The following SBNO1 variants were observed in gnomAD, a reference collection of about 807,000 sequenced individuals.
SBNO1 encodes protein strawberry notch homolog 1.
In SBNO1, 23 loss-of-function variants were observed where a neutral mutation model predicts 173.6. The ratio of observed to expected loss-of-function variants is 0.13; its 90% confidence interval spans 0.10 to 0.19. The LOEUF is 0.19. SBNO1 is among the 10% of genes least tolerant of loss of function. The probability of loss-of-function intolerance (pLI) is 1.00; values close to 1 mark genes in which losing one functional copy is unlikely to be tolerated. For missense variants in SBNO1, 1,238 were observed against 1,671.2 expected, an observed-to-expected ratio of 0.74 and a Z score of 4.52; for synonymous variants, 632 against 571.5, an observed-to-expected ratio of 1.11 and a Z score of -1.51.
At chr12:123,343,436 CT>C (rs1872771584) in intron 4 of SBNO1, among the ~76,000 whole-genome samples, 1 of 151,820 alleles carries the variant, frequency 6.6e-6, no homozygotes, top group South Asian at 2.1e-4. Context: ...CAACACCTTG[CT>C]TTCTGCAGTT....
chr12:123,340,855 A>G, intron 5 of SBNO1, 133 bp downstream of exon 5: 2 of 639,324 alleles, frequency 3.1e-6, no homozygotes, highest in Non-Finnish European at 5.5e-6. Flanking sequence ...AAGCATATCC[A>G]TTAGTTCCCA....
At chr12:123,322,888 A>G (rs1325326259) in intron 16 of SBNO1, among the ~76,000 whole-genome samples, 1 of 138,152 alleles carries the variant, frequency 7.2e-6, no homozygotes, top group Admixed American at 7.3e-5. Context: ...TCTCAAAAAA[A>G]AAAAAGAAAA....
chr12:123,359,554 CAAAAA>C (rs62698860), intron 1 of SBNO1, among the ~76,000 whole-genome samples: 1 of 136,934 alleles, frequency 7.3e-6, no homozygotes, highest in Admixed American at 7.3e-5. Flanking sequence ...GACTCCGTCT[CAAAAA>C]AAAAAAAAAG....
At chr12:123,346,954 T>C (rs145288575) in intron 3 of SBNO1, among the ~76,000 whole-genome samples, 17 of 150,388 alleles carry the variant, frequency 1.1e-4, no homozygotes, top group African/African-American at 4.1e-4. Context: ...GGTGGGCGCC[T>C]ATAGTCCCAG....
chr12:123,364,760 C>T lies in SBNO1; in HGVS notation c.-60G>A, dbSNP rs775632489. ...CCCGGGAGGTGTGAGTTTGAAGGAC[C>T]AGAGGCGACTGGAGCGGAGGCGGCG... On this transcript the variant is annotated 5_prime_UTR_variant, in exon 1 of 32. Coordinates refer to ENST00000602398, the MANE Select transcript of SBNO1 (RefSeq NM_001167856.3). 1.9e-5 allele frequency: 19 copies of T among 989,382 alleles called. No homozygotes were observed. Among genetic ancestry groups the T allele is most frequent in the South Asian group, 1.4e-4 (3 of 22,078 alleles). 61.3% of individuals were successfully genotyped at this position (989,382 alleles called of 1,614,324 possible).
chr12:123,301,676 C>T (rs1351459094), intron 30 of SBNO1, among the ~76,000 whole-genome samples: 1 of 152,150 alleles, frequency 6.6e-6, no homozygotes, highest in Non-Finnish European at 1.5e-5. Context: ...TTTGCATGTG[C>T]TGTGCTATTA....
chr12:123,294,230 C>T lies in SBNO1; in HGVS notation c.*1678G>A, dbSNP rs146712818. ...TTACGGTAAGCTTGACATAACCAAA[C>T]TCAGGCTAAAGGAGACACAAGAGGA... is the stretch of plus-strand genomic sequence containing the variant. On this transcript the variant is annotated 3_prime_UTR_variant, in exon 32 of 32. Coordinates refer to ENST00000602398, the MANE Select transcript of SBNO1 (RefSeq NM_001167856.3). The T allele has an allele frequency of 6.8e-6, 1 of 147,730 alleles. No individual in the cohort carries two copies. Among genetic ancestry groups the T allele is most frequent in the Non-Finnish European group, 1.5e-5 (1 of 66,352 alleles). The allele number at this position is 147,730 out of a possible 1,614,324, so 9.2% of individuals were successfully genotyped here.
intron 4 of SBNO1, among the ~76,000 whole-genome samples, chr12:123,344,472 T>A (rs1418178756): frequency 1.3e-5 from 2 of 152,180 alleles, no homozygotes; most frequent in Non-Finnish European, 2.9e-5. Context: ...ATGACATCTG[T>A]CACTTAAGAC....
rs1217343531 is a variant in SBNO1, at chr12:123,298,175, A to C, written c.3846-4T>G. 6.2e-7 allele frequency: 1 copy of C among 1,610,600 alleles called. No individual in the cohort carries two copies. The highest frequency in any genetic ancestry group is 8.5e-7 in the Non-Finnish European group (1 of 1,179,286). ...TGCTTTTTTGCAATTGCCGCGCCTAAGAAAAATGGGAAAGAAATACATATG... is the reference window on the plus strand; with the variant it reads ...TGCTTTTTTGCAATTGCCGCGCCTACGAAAAATGGGAAAGAAATACATATG... On this transcript the variant is annotated splice_region_variant and splice_polypyrimidine_tract_variant and intron_variant, in intron 30 of 31. Coordinates refer to ENST00000602398, the MANE Select transcript of SBNO1 (RefSeq NM_001167856.3).
At chr12:123,298,535 G>T (rs934288397) in intron 30 of SBNO1, among the ~76,000 whole-genome samples, 2 of 152,204 alleles carry the variant, frequency 1.3e-5, no homozygotes, top group Non-Finnish European at 2.9e-5. Flanking sequence ...GATTACAGGC[G>T]TGAGCCACCG....
intron 5 of SBNO1, among the ~76,000 whole-genome samples, chr12:123,338,610 G>A (rs867739098): frequency 6.6e-6 from 1 of 152,144 alleles, no homozygotes; most frequent in South Asian, 2.1e-4. Flanking sequence ...GCTTGAGCCC[G>A]GGAAGGGGAG....
chr12:123,327,264 G>C (rs974317378), intron 13 of SBNO1, among the ~76,000 whole-genome samples, 162 bp downstream of exon 13: 5 of 152,072 alleles, frequency 3.3e-5, no homozygotes, highest in African/African-American at 1.2e-4. Context: ...GCTCGCCTCA[G>C]CCTCCCAAAG....
At chr12:123,302,283 C>T (rs2048816145) in intron 30 of SBNO1, among the ~76,000 whole-genome samples, 1 of 148,666 alleles carries the variant, frequency 6.7e-6, no homozygotes, top group African/African-American at 2.5e-5. Flanking sequence ...CGCTCTGTCC[C>T]CCAGGCTGGA....
chr12:123,308,867 G>T (rs2048986518), intron 28 of SBNO1, among the ~76,000 whole-genome samples: 1 of 152,186 alleles, frequency 6.6e-6, no homozygotes. Flanking sequence ...ACTTTGGAAG[G>T]CCGAGGCAGG....
At chr12:123,306,084 TCTTA>T (rs1300056209) in intron 28 of SBNO1, among the ~76,000 whole-genome samples, 3 of 152,234 alleles carry the variant, frequency 2.0e-5, no homozygotes, top group Non-Finnish European at 4.4e-5. Context: ...ACCCTTGGTC[TCTTA>T]CTTTTTCCAA....
chr12:123,352,858 C>T (rs916018142), intron 1 of SBNO1, among the ~76,000 whole-genome samples: 43 of 152,118 alleles, frequency 2.8e-4, no homozygotes, highest in African/African-American at 1.0e-3. Flanking sequence ...AGTGCAGTGG[C>T]GCGATCTCGG....
intron 20 of SBNO1, among the ~76,000 whole-genome samples, chr12:123,318,090 T>C (rs1440273663): frequency 6.6e-6 from 1 of 152,150 alleles, no homozygotes; most frequent in African/African-American, 2.4e-5. Context: ...GCCTCCTCAG[T>C]AGCTGGGACT....
chr12:123,324,482 T>C (rs1870376940), intron 15 of SBNO1, among the ~76,000 whole-genome samples: 1 of 151,886 alleles, frequency 6.6e-6, no homozygotes, highest in African/African-American at 2.4e-5. Context: ...CCACCACGCC[T>C]GGCTAGTTTT....
At chr12:123,324,206 C>CA (rs1870333745) in intron 15 of SBNO1, among the ~76,000 whole-genome samples, 1 of 151,010 alleles carries the variant, frequency 6.6e-6, no homozygotes, top group Non-Finnish European at 1.5e-5. Flanking sequence ...CAATATGGAC[C>CA]AGTCATTTCA....
Sources: allele counts gnomAD v4.1 joint callset (sites outside exome capture counted in the v4.1 genomes callset), GRCh38; gene constraint gnomAD v4.1.1; transcripts MANE v1.5; gene names NCBI Gene and HGNC (gene_info 2026-07-23, HGNC 2026-07-21).